Variants in SDK1 observed in about 807,000 individuals in gnomAD.
The protein encoded by SDK1 is sidekick cell adhesion molecule 1.
In SDK1, 157 loss-of-function variants were observed where a neutral mutation model predicts 245.5. The ratio of observed to expected loss-of-function variants is 0.64; its 90% CI spans 0.56 to 0.73. SDK1 has a LOEUF of 0.73. Among genes scored for constraint, SDK1 ranks in the 30% least tolerant of loss-of-function variants. The pLI is 0.00. For missense variants in SDK1, 3,583 were observed against 3,002.3 expected (o/e 1.19, Z -4.52); for synonymous variants, 1,647 against 1,278.5 (o/e 1.29, Z -6.15).
intron 4 of SDK1, among the ~76,000 whole-genome samples, chr7:3,748,899 T>A (rs1376493141): frequency 6.6e-6 from 1 of 152,144 alleles, no homozygotes; most frequent in Non-Finnish European, 1.5e-5. Flanking sequence ...GTCCAGACAA[T>A]TTTTTGTTGT....
intron 4 of SDK1, among the ~76,000 whole-genome samples, chr7:3,662,041 A>ATTT (rs572659449): frequency 6.4e-5 from 8 of 125,762 alleles, no homozygotes; most frequent in African/African-American, 1.3e-4. Context: ...CAACGGTTGT[A>ATTT]TTTTTTTTTT....
At chr7:3,687,465 C>T (rs1176076220) in intron 4 of SDK1, among the ~76,000 whole-genome samples, 1 of 152,196 alleles carries the variant, frequency 6.6e-6, no homozygotes, top group Non-Finnish European at 1.5e-5. Context: ...AAACTGAAAA[C>T]ATCCCAAATG....
intron 1 of SDK1, among the ~76,000 whole-genome samples, chr7:3,357,328 G>GTTTTTTGTTTTTTT (rs1780827765): frequency 1.9e-5 from 1 of 52,946 alleles, no homozygotes; most frequent in East Asian, 7.7e-4. Context: ...TTCTTTTAGT[G>GTTTTTTGTTTTTTT]TTTTTTTTTT....
intron 1 of SDK1, among the ~76,000 whole-genome samples, chr7:3,527,740 T>C (rs539702846): frequency 6.9e-6 from 1 of 145,658 alleles, no homozygotes; most frequent in Non-Finnish European, 1.5e-5. Flanking sequence ...GGAGGTAAGG[T>C]TGGATGATAG....
At chr7:3,367,391 C>T (rs1419480664) in intron 1 of SDK1, among the ~76,000 whole-genome samples, 1 of 152,094 alleles carries the variant, frequency 6.6e-6, no homozygotes, top group African/African-American at 2.4e-5. Context: ...TCTCTAGCTG[C>T]TCACTTTTTT....
chr7:4,023,537 T>G (rs887411848), intron 17 of SDK1, among the ~76,000 whole-genome samples: 3 of 152,172 alleles, frequency 2.0e-5, no homozygotes, highest in African/African-American at 7.2e-5. Flanking sequence ...GAATTTTAAA[T>G]TTAAATAACC....
chr7:3,736,889 C>T (rs147364274), intron 4 of SDK1, among the ~76,000 whole-genome samples: 1 of 152,194 alleles, frequency 6.6e-6, no homozygotes, highest in Non-Finnish European at 1.5e-5. Context: ...ATCCTCAGAA[C>T]TTTTGCATCT....
intron 1 of SDK1, among the ~76,000 whole-genome samples, chr7:3,605,714 A>T (rs968992991): frequency 6.6e-6 from 1 of 152,200 alleles, no homozygotes. Context: ...AGAAAATGAG[A>T]ATTAAAATGT....
intron 1 of SDK1, among the ~76,000 whole-genome samples, chr7:3,449,674 T>G (rs1780452308): frequency 6.6e-6 from 1 of 152,214 alleles, no homozygotes; most frequent in South Asian, 2.1e-4. Context: ...AATAGCACAT[T>G]TTGTGAATAT....
At position 4,026,091 on chromosome 7, in the gene SDK1, C is replaced by A. The variant is rs1397158967; in HGVS notation, c.2602+8739C>A. ...TATGCCACTCAGCACCCTGGACACG[C>A]CAGGCCGCAGCGCTGGTCTTCCACA... On this transcript the variant is annotated intron_variant, in intron 17 of 44. Coordinates refer to ENST00000404826, the MANE Select transcript of SDK1 (RefSeq NM_152744.4). This position sits in a 1 kb window ranked among gnomAD's most constrained non-coding sequence, Gnocchi z 4.1. Among the ~76,000 whole-genome samples the A allele has an allele frequency of 1.3e-5, 2 of 152,250 alleles. No individual in the cohort carries two copies. Among genetic ancestry groups the A allele is most frequent in the African/African-American group, 4.8e-5 (2 of 41,474 alleles).
At chr7:3,662,926 AGCACTT>A (rs1783411648) in intron 4 of SDK1, among the ~76,000 whole-genome samples, 1 of 152,208 alleles carries the variant, frequency 6.6e-6, no homozygotes, top group South Asian at 2.1e-4. Flanking sequence ...TGAAATACGA[AGCACTT>A]ATGGTTCCAA....
Position 4,254,392 on chromosome 7 carries a change from C to G in SDK1, c.6381+8587C>G, listed in dbSNP as rs184734528. On this transcript the variant is annotated intron_variant, in intron 44 of 44. Transcript: ENST00000404826. Reference sequence around the variant, plus strand: ...GATTCTTTCTTCTGCCAGCTCAAGTCTACTATTGAGCCTATCTAATGAATT... The same window carrying G: ...GATTCTTTCTTCTGCCAGCTCAAGTGTACTATTGAGCCTATCTAATGAATT... Among the ~76,000 whole-genome samples the G allele has an allele frequency of 2.0e-5, 3 of 152,258 alleles. No individual in the cohort carries two copies. In the East Asian group the frequency reaches 5.8e-4, roughly 29 times the overall value.
At chr7:3,927,620 G>A (rs1403375390) in intron 5 of SDK1, among the ~76,000 whole-genome samples, 1 of 152,188 alleles carries the variant, frequency 6.6e-6, no homozygotes, top group Non-Finnish European at 1.5e-5. Flanking sequence ...CATGGCTGAA[G>A]ACCAAATTCA....
intron 37 of SDK1, 36 bp downstream of exon 37, chr7:4,208,321 C>T (rs749072169): frequency 2.5e-6 from 4 of 1,588,460 alleles, no homozygotes; most frequent in Non-Finnish European, 2.6e-6. Flanking sequence ...GGCAGGCCTC[C>T]TTGGACACGT....
rs147611771 is a variant in SDK1 at position 3,460,396 on chromosome 7, G to A, written c.298+158512G>A. The stretch of plus-strand genomic sequence containing the variant: ...AGTCAATATCTATTACAGACTGTAC[G>A]TGTTTATGCTATTGAAAATATGAAT... On this transcript the variant is annotated intron_variant, in intron 1 of 44. Transcript: ENST00000404826. Among the ~76,000 whole-genome samples the A allele has an allele frequency of 4.2e-4, 64 of 152,278 alleles. 1 individual carries two copies. The East Asian group carries it at 0.011, about 26-fold the overall frequency.
chr7:3,304,473 C>T (rs958922532), intron 1 of SDK1, among the ~76,000 whole-genome samples: 1 of 152,140 alleles, frequency 6.6e-6, no homozygotes, highest in Non-Finnish European at 1.5e-5. Flanking sequence ...TGGCAGTGTT[C>T]AGTAGACCTC....
intron 17 of SDK1, among the ~76,000 whole-genome samples, chr7:4,040,764 G>A (rs1357311386): frequency 6.6e-6 from 1 of 152,152 alleles, no homozygotes. Flanking sequence ...TTATTATGCG[G>A]ATGGGTTATC....
intron 4 of SDK1, among the ~76,000 whole-genome samples, chr7:3,817,240 CT>C (rs1355577280): frequency 1.3e-5 from 2 of 152,144 alleles, no homozygotes; most frequent in African/African-American, 4.8e-5. Flanking sequence ...TGGACACCTC[CT>C]GGAACTCTTC....
At chr7:3,336,406 A>AG (rs1780201050) in intron 1 of SDK1, among the ~76,000 whole-genome samples, 1 of 152,100 alleles carries the variant, frequency 6.6e-6, no homozygotes, top group Non-Finnish European at 1.5e-5. Flanking sequence ...CTTCTCTGCC[A>AG]GGGTAGTGTC....
Sources: gnomAD v4.1 joint callset for allele counts (sites outside exome capture counted in the v4.1 genomes callset) on GRCh38, gnomAD v4.1.1 for gene constraint, Gnocchi (gnomAD v3.1) non-coding constraint, MANE v1.5 for transcripts, NCBI Gene and HGNC (gene_info 2026-07-23, HGNC 2026-07-21) for gene names.